Variants in TMEM63C observed in about 807,000 individuals in gnomAD.
TMEM63C encodes transmembrane protein 63C, also known as osmosensitive cation channel TMEM63C.
A neutral mutation model predicts 99.2 loss-of-function variants in TMEM63C; 32 were observed. That is an observed-to-expected ratio of 0.32 (90% CI 0.24 to 0.43). The LOEUF (loss-of-function observed/expected upper bound fraction) is 0.43. Among genes scored for constraint, TMEM63C ranks in the 20% least tolerant of loss-of-function variants. The pLI is 1.00. For missense variants in TMEM63C, 826 were observed against 1,053.0 expected, an observed-to-expected ratio of 0.78 and a Z score of 2.98; for synonymous variants, 376 against 397.9, an observed-to-expected ratio of 0.94 and a Z score of 0.66.
intron 13 of TMEM63C, among the ~76,000 whole-genome samples, chr14:77,240,931 C>CTTTTTTTTTTTTTTTT (rs575279817): frequency 1.6e-5 from 2 of 128,482 alleles, no homozygotes; most frequent in African/African-American, 3.1e-5. Context: ...TTCCCTTTTT[C>CTTTTTTTTTTTTTTTT]TTTTTTTTTT....
At chr14:77,224,491 T>A (rs1269090049) in intron 5 of TMEM63C, among the ~76,000 whole-genome samples, 4 of 152,068 alleles carry the variant, frequency 2.6e-5, no homozygotes, top group Non-Finnish European at 5.9e-5. Flanking sequence ...TCCTCTGGGA[T>A]CCCAGAAGGA....
At chr14:77,236,779 C>T (rs1334113572) in intron 9 of TMEM63C, 47 bp downstream of exon 9, 5 of 1,357,222 alleles carry the variant, frequency 3.7e-6, no homozygotes, top group Non-Finnish European at 5.3e-6. Context: ...GCTGGGGTCC[C>T]TCCCCACTGG....
chr14:77,255,237 C>T (rs1343387633), intron 23 of TMEM63C, among the ~76,000 whole-genome samples: 3 of 152,230 alleles, frequency 2.0e-5, no homozygotes, highest in Non-Finnish European at 2.9e-5. Flanking sequence ...CTGATCCACC[C>T]GCCTCGGCCT....
At chr14:77,240,931 CTTTTTTTTTTTTTTTCTTT>C (rs200114131) in intron 13 of TMEM63C, among the ~76,000 whole-genome samples, 11 of 128,502 alleles carry the variant, frequency 8.6e-5, no homozygotes, top group South Asian at 2.4e-4. Context: ...TTCCCTTTTT[CTTTTTTTTTTTTTTTCTTT>C]TTTTTTTTTT....
chr14:77,199,539 A>C (rs949684665), intron 1 of TMEM63C, among the ~76,000 whole-genome samples: 1 of 152,026 alleles, frequency 6.6e-6, no homozygotes, highest in Non-Finnish European at 1.5e-5. Flanking sequence ...TGCCTGGACT[A>C]TCCTTGTTCC....
chr14:77,228,677 C>A (rs1375228977), intron 6 of TMEM63C, among the ~76,000 whole-genome samples: 1 of 151,952 alleles, frequency 6.6e-6, no homozygotes, highest in African/African-American at 2.4e-5. Flanking sequence ...GCTGGGATTA[C>A]AGGCACGTGC....
At chr14:77,189,299 G>A (rs1158696813) in intron 1 of TMEM63C, among the ~76,000 whole-genome samples, 1 of 143,670 alleles carries the variant, frequency 7.0e-6, no homozygotes, top group Non-Finnish European at 1.5e-5. Context: ...TGCATTTTTT[G>A]TAGAGATGGG....
At chr14:77,229,423 T>A (rs1888894153) in intron 6 of TMEM63C, among the ~76,000 whole-genome samples, 1 of 151,620 alleles carries the variant, frequency 6.6e-6, no homozygotes, top group Admixed American at 6.6e-5. Flanking sequence ...AAAAATTAAG[T>A]CCAAATGCTT....
chr14:77,233,352 G>A, intron 7 of TMEM63C, 100 bp from the exon 8 acceptor site: 2 of 1,242,118 alleles, frequency 1.6e-6, no homozygotes, highest in Non-Finnish European at 2.3e-6. Context: ...TCAAAGGCAA[G>A]CATCTCCAGA....
intron 3 of TMEM63C, 145 bp from the exon 4 acceptor site, chr14:77,219,353 C>A: frequency 1.3e-6 from 1 of 755,142 alleles, no homozygotes. Flanking sequence ...AGGAATGGCC[C>A]CTACTCCAAC....
chr14:77,226,593 G>A (rs541358937), intron 6 of TMEM63C, among the ~76,000 whole-genome samples: 1 of 152,282 alleles, frequency 6.6e-6, no homozygotes, highest in South Asian at 2.1e-4. Flanking sequence ...AGTTTCGACA[G>A]GCGCGATGTG....
chr14:77,182,291 A>C (rs1287018912), intron 1 of TMEM63C, among the ~76,000 whole-genome samples: 1 of 151,240 alleles, frequency 6.6e-6, no homozygotes, highest in African/African-American at 2.4e-5. Flanking sequence ...TCTGCCGCCC[A>C]CTCTCTGGGC....
chr14:77,204,465 C>T (rs1888361764), intron 1 of TMEM63C, among the ~76,000 whole-genome samples: 1 of 152,170 alleles, frequency 6.6e-6, no homozygotes, highest in Middle Eastern at 3.2e-3. Context: ...AGCCAAAACA[C>T]TCTCATCACG....
At chr14:77,191,106 G>A (rs1160834241) in intron 1 of TMEM63C, among the ~76,000 whole-genome samples, 1 of 152,174 alleles carries the variant, frequency 6.6e-6, no homozygotes, top group Non-Finnish European at 1.5e-5. Context: ...TATAATGGAA[G>A]AAATTGAAAA....
rs546881737 is a variant in TMEM63C at position 77,218,730 on chromosome 14, C to T, written c.-13-71C>T. On this transcript the variant is annotated intron_variant, in intron 2 of 23. Coordinates refer to ENST00000298351, the MANE Select transcript of TMEM63C (RefSeq NM_020431.4). ...ACTCGGTGCCCATCCCACAACTCCC[C>T]ATCGGGCTTCTGTGTTTTGCAAAAT... 4.6e-6 allele frequency: 7 copies of T among 1,519,202 alleles called. No individual in the cohort carries two copies. In the East Asian group the frequency reaches 1.6e-4, roughly 36 times the overall value. 94.1% of individuals were successfully genotyped at this position (1,519,202 alleles called of 1,614,324 possible).
At chr14:77,243,779 TCACA>T (rs1255419010) in intron 15 of TMEM63C, among the ~76,000 whole-genome samples, 3 of 151,832 alleles carry the variant, frequency 2.0e-5, no homozygotes, top group Non-Finnish European at 4.4e-5. Context: ...ATGCACACAC[TCACA>T]CAAAGTCAAC....
At chr14:77,189,511 G>A (rs1888065534) in intron 1 of TMEM63C, among the ~76,000 whole-genome samples, 2 of 152,192 alleles carry the variant, frequency 1.3e-5, no homozygotes, top group African/African-American at 4.8e-5. Context: ...GATCATGTGT[G>A]TAGTGCCTTG....
intron 2 of TMEM63C, among the ~76,000 whole-genome samples, chr14:77,215,614 A>AAAAAAAAAAAAAAG (rs772701077): frequency 1.3e-4 from 10 of 76,526 alleles, no homozygotes; most frequent in African/African-American, 5.6e-4. Flanking sequence ...AAAAAAAAAA[A>AAAAAAAAAAAAAAG]AAAAGAAAAG....
intron 20 of TMEM63C, among the ~76,000 whole-genome samples, 154 bp from the exon 21 acceptor site, chr14:77,249,137 C>T (rs181812533): frequency 1.1e-3 from 168 of 152,206 alleles, no homozygotes; most frequent in South Asian, 2.5e-3. Context: ...CTGCTGGCTC[C>T]GGAGGTCAGT....
Sources: gnomAD v4.1 joint callset for allele counts (sites outside exome capture counted in the v4.1 genomes callset) on GRCh38, gnomAD v4.1.1 for gene constraint, MANE v1.5 for transcripts, NCBI Gene and HGNC (gene_info 2026-07-23, HGNC 2026-07-21) for gene names.